The following RARA variants were observed in gnomAD, a reference collection of about 807,000 sequenced individuals.
The protein encoded by RARA is PML-DDX5-RARA fusion.
RARA carries 5 observed loss-of-function variants against 42.8 expected under a neutral mutation model. That is an observed-to-expected ratio of 0.12 (90% confidence interval 0.06 to 0.25). RARA has a LOEUF of 0.25. Among genes scored for constraint, RARA ranks in the 10% least tolerant of loss-of-function variants. The pLI is 1.00. For synonymous variants in RARA, 256 were observed against 259.5 expected, an observed-to-expected ratio of 0.99 and a Z score of 0.13; for missense variants, 402 against 628.7, an observed-to-expected ratio of 0.64 and a Z score of 3.86.
rs546412553 is a variant in RARA at position 40,329,868 on chromosome 17, C to A, written c.-362-989C>A. Among the ~76,000 whole-genome samples the A allele has an allele frequency of 8.5e-5, 13 of 152,144 alleles. 1 individual carries two copies. In the South Asian group the frequency reaches 2.7e-3, roughly 32 times the overall value. On this transcript the variant is annotated intron_variant, in intron 1 of 8. Coordinates refer to ENST00000254066, the MANE Select transcript of RARA (RefSeq NM_000964.4). The stretch of plus-strand genomic sequence containing the variant: ...ATATGTATTTATATATAACCTGTAC[C>A]CAAAATGGATTTGAAACATCCTCTT...
At chr17:40,343,762 G>A (rs911901158) in intron 2 of RARA, among the ~76,000 whole-genome samples, 1 of 152,076 alleles carries the variant, frequency 6.6e-6, no homozygotes, top group Non-Finnish European at 1.5e-5. Context: ...CCTAAGAGGG[G>A]CACTGATGAG....
intron 1 of RARA, among the ~76,000 whole-genome samples, chr17:40,313,826 A>AC (rs1679469698): frequency 6.6e-6 from 1 of 151,488 alleles, no homozygotes; most frequent in Admixed American, 6.6e-5. Flanking sequence ...GATTTATCAT[A>AC]CCCCCCATCA....
rs1445278074 is a variant in RARA at position 40,321,825 on chromosome 17, C to G, written c.-362-9032C>G. Reference sequence around the variant, plus strand: ...AATTTCTGCAGCTAGGCAACTCCACCCCCCCAACTGGATATGCCTTTCCCT... The same window carrying G: ...AATTTCTGCAGCTAGGCAACTCCACGCCCCCAACTGGATATGCCTTTCCCT... On this transcript the variant is annotated intron_variant, in intron 1 of 8. Transcript: ENST00000254066. Among the ~76,000 whole-genome samples the G allele has an allele frequency of 2.0e-5, 3 of 152,134 alleles. No homozygotes were observed. The East Asian group carries it at 5.8e-4, about 29-fold the overall frequency.
rs1326245886 is a variant in RARA at position 40,356,566 on chromosome 17, G to A, written c.*340G>A. 7.0e-6 allele frequency: 4 copies of A among 572,348 alleles called. No homozygotes were observed. The highest frequency in any genetic ancestry group is 3.7e-5 in the East Asian group (1 of 27,252). The allele number at this position is 572,348 out of a possible 1,614,324, so 35.5% of individuals were successfully genotyped here. On this transcript the variant is annotated 3_prime_UTR_variant, in exon 9 of 9. Coordinates refer to ENST00000254066, the MANE Select transcript of RARA (RefSeq NM_000964.4). ...CACCACATCTTCATCACCAGCAAAC[G>A]CCAGGACTTGGCTCCCCCATCCTCA... is the stretch of plus-strand genomic sequence containing the variant.
At position 40,351,082 on chromosome 17, in the gene RARA, C is replaced by T. The variant is rs929629108; in HGVS notation, c.470-828C>T. 1.3e-5 allele frequency among the ~76,000 whole-genome samples: 2 copies of T among 152,010 alleles called. No homozygotes were observed. The highest frequency in any genetic ancestry group is 6.6e-5 in the Admixed American group (1 of 15,264). The stretch of plus-strand genomic sequence containing the variant: ...AGAATTAAAGCTTCCGAATGATAAA[C>T]GTCTTGTCACAGCTGCAATTTTCTC... On this transcript the variant is annotated intron_variant, in intron 4 of 8. Transcript: ENST00000254066. This position sits in a 1 kb window ranked among gnomAD's most constrained non-coding sequence, Gnocchi z 4.1.
intron 1 of RARA, among the ~76,000 whole-genome samples, 157 bp downstream of exon 1, chr17:40,309,443 G>A (rs146010887): frequency 1.2e-3 from 180 of 152,302 alleles, no homozygotes; most frequent in African/African-American, 4.0e-3. Context: ...TGGGAACAGT[G>A]GGGTGTCTGA....
At chr17:40,315,171 T>TATACACAC (rs1247793097) in intron 1 of RARA, among the ~76,000 whole-genome samples, 4 of 76,568 alleles carry the variant, frequency 5.2e-5, no homozygotes, top group African/African-American at 1.8e-4. Flanking sequence ...TATATATATA[T>TATACACAC]ACACACACAC....
chr17:40,320,642 C>T lies in RARA; in HGVS notation c.-362-10215C>T, dbSNP rs138769766. Among the ~76,000 whole-genome samples, 568 of 152,296 alleles carry T rather than the reference C, an allele frequency of 3.7e-3. 17 individuals are homozygous for T. The highest frequency in any genetic ancestry group is 8.8e-4 in the Non-Finnish European group (60 of 68,034). ...TGGTCCTCAGAACCGTGTGATGTGA[C>T]GGTGGGGCCTGTCCCAAAATACAAA... On this transcript the variant is annotated intron_variant, in intron 1 of 8. Transcript: ENST00000254066. The surrounding 1 kb of genome is among the most constrained non-coding windows in gnomAD (Gnocchi z 4.1).
intron 1 of RARA, among the ~76,000 whole-genome samples, chr17:40,329,860 A>G (rs2033644334): frequency 6.6e-6 from 1 of 152,220 alleles, no homozygotes; most frequent in Non-Finnish European, 1.5e-5. Context: ...TTTATATATA[A>G]CCTGTACCCA....
chr17:40,310,826 G>T (rs544147405), intron 1 of RARA, among the ~76,000 whole-genome samples: 1 of 152,014 alleles, frequency 6.6e-6, no homozygotes, highest in East Asian at 1.9e-4. Flanking sequence ...CACTGCAAAC[G>T]GTAGTAATGG....
At position 40,356,459 on chromosome 17, in the gene RARA, G is replaced by C. The variant is rs1430888467; in HGVS notation, c.*233G>C. On this transcript the variant is annotated 3_prime_UTR_variant, in exon 9 of 9. Coordinates refer to ENST00000254066, the MANE Select transcript of RARA (RefSeq NM_000964.4). ...GGCTGACGTCAGAGGCCGAGGCCAG[G>C]AACTGAGTGAGGCCCCTGGTCCTGG... is the stretch of plus-strand genomic sequence containing the variant. The C allele has an allele frequency of 2.8e-6, 2 of 702,364 alleles. No homozygotes were observed. The highest frequency in any genetic ancestry group is 3.0e-5 in the South Asian group (2 of 66,694). The allele number at this position is 702,364 out of a possible 1,614,324, so 43.5% of individuals were successfully genotyped here.
At chr17:40,338,054 A>G (rs1180785173) in intron 2 of RARA, among the ~76,000 whole-genome samples, 2 of 152,216 alleles carry the variant, frequency 1.3e-5, no homozygotes, top group African/African-American at 2.4e-5. Flanking sequence ...TCTCCCAGCA[A>G]GGATAATGCA....
intron 2 of RARA, among the ~76,000 whole-genome samples, chr17:40,338,571 G>A (rs2033926468): frequency 6.6e-6 from 1 of 152,052 alleles, no homozygotes; most frequent in Admixed American, 6.6e-5. Context: ...GGCTGGGCAC[G>A]GTGGCTCACA....
intron 6 of RARA, among the ~76,000 whole-genome samples, chr17:40,353,006 CTT>C (rs2034503385): frequency 6.6e-6 from 1 of 152,208 alleles, no homozygotes; most frequent in Non-Finnish European, 1.5e-5. Context: ...CATCCCCTCT[CTT>C]GAAAACCTTC....
At chr17:40,331,575 G>C (rs2033694814) in intron 2 of RARA, among the ~76,000 whole-genome samples, 179 bp downstream of exon 2, 1 of 152,198 alleles carries the variant, frequency 6.6e-6, no homozygotes, top group African/African-American at 2.4e-5. Flanking sequence ...ATGGCCTATA[G>C]GCTGATCATG....
intron 1 of RARA, among the ~76,000 whole-genome samples, chr17:40,325,467 C>T (rs746584559): frequency 6.6e-6 from 1 of 152,000 alleles, no homozygotes; most frequent in Non-Finnish European, 1.5e-5. Context: ...GCTCCCCAAC[C>T]CCTGTCTGCA....
chr17:40,352,107 C>CCAGGGCCA lies in RARA; in HGVS notation c.630+46_630+53dup. The CCAGGGCCA allele has an allele frequency of 6.6e-7, 1 of 1,516,800 alleles. No homozygotes were observed. Among genetic ancestry groups the CCAGGGCCA allele is most frequent in the Non-Finnish European group, 8.8e-7 (1 of 1,137,634 alleles). The allele number at this position is 1,516,800 out of a possible 1,614,324, so 94.0% of individuals were successfully genotyped here. Reference sequence around the variant, plus strand: ...CCCCGGCCTGCAGGGTGGGATTTGCCCAGGGCCACAGGGCCAGGATGGGCC... The same window carrying CCAGGGCCA: ...CCCCGGCCTGCAGGGTGGGATTTGCCCAGGGCCACAGGGCCACAGGGCCAGGATGGGCC... On this transcript the variant is annotated intron_variant, in intron 5 of 8. Coordinates refer to ENST00000254066, the MANE Select transcript of RARA (RefSeq NM_000964.4). The surrounding 1 kb of genome is among the most constrained non-coding windows in gnomAD (Gnocchi z 4.9).
Position 40,355,526 on chromosome 17 carries a change from G to T in RARA, c.1171+105G>T. ...TTTGTGCCAGGACAATACGACACCT[G>T]TCCCCATCTGTGTCTAGGCTGAGGT... On this transcript the variant is annotated intron_variant, in intron 8 of 8. Coordinates refer to ENST00000254066, the MANE Select transcript of RARA (RefSeq NM_000964.4). The surrounding 1 kb of genome is among the most constrained non-coding windows in gnomAD (Gnocchi z 4.1). 7.1e-7 allele frequency: 1 copy of T among 1,407,940 alleles called. No individual in the cohort carries two copies. Among genetic ancestry groups the T allele is most frequent in the Non-Finnish European group, 9.5e-7 (1 of 1,051,108 alleles). 87.2% of individuals were successfully genotyped at this position (1,407,940 alleles called of 1,614,324 possible).
At chr17:40,336,124 G>A (rs1468556334) in intron 2 of RARA, among the ~76,000 whole-genome samples, 1 of 152,212 alleles carries the variant, frequency 6.6e-6, no homozygotes. Context: ...CGCCCAGGCT[G>A]GAGTACAGTG....
Sources: allele counts gnomAD v4.1 joint callset (sites outside exome capture counted in the v4.1 genomes callset), GRCh38; gene constraint gnomAD v4.1.1; non-coding constraint Gnocchi (gnomAD v3.1); transcripts MANE v1.5; gene names NCBI Gene and HGNC (gene_info 2026-07-23, HGNC 2026-07-21).